BARD1: variants seen among roughly 807,000 people sequenced by gnomAD.
BARD1 encodes BRCA1-associated RING domain protein 1.
BARD1 carries 73 observed loss-of-function variants against 77.0 expected under a neutral mutation model. The ratio of observed to expected loss-of-function variants is 0.95; its 90% CI spans 0.79 to 1.15. The LOEUF is 1.15. Ranked by LOEUF, BARD1 falls within the 50% of genes most tolerant of loss-of-function variation. The probability of loss-of-function intolerance (pLI) is 0.00; values close to 1 mark genes in which losing one functional copy is unlikely to be tolerated. For missense variants in BARD1, 993 were observed against 938.8 expected (o/e 1.06, Z -0.75); for synonymous variants, 384 against 338.0 (o/e 1.14, Z -1.49).
rs191463648 is a variant in BARD1 at position 214,771,696 on chromosome 2, C to A, written c.1315-2384G>T. Among the ~76,000 whole-genome samples, 3 of 151,752 alleles carry A rather than the reference C, an allele frequency of 2.0e-5. No homozygotes were observed. In the East Asian group the frequency reaches 5.8e-4, roughly 29 times the overall value. ...TGAGTTGAGATCACACCACTGCACT[C>A]CAGCCTGGGCGACAGAGCGAGACTC... On this transcript the variant is annotated intron_variant, in intron 4 of 10. Transcript: ENST00000260947.
At chr2:214,776,339 T>C (rs1450186942) in intron 4 of BARD1, among the ~76,000 whole-genome samples, 2 of 152,180 alleles carry the variant, frequency 1.3e-5, no homozygotes, top group African/African-American at 2.4e-5. Context: ...TTGTTTTCTA[T>C]TGGGTTGGTG....
At chr2:214,750,850 T>TG (rs1693374140) in intron 7 of BARD1, among the ~76,000 whole-genome samples, 1 of 151,996 alleles carries the variant, frequency 6.6e-6, no homozygotes, top group Non-Finnish European at 1.5e-5. Flanking sequence ...AAACTGAGGA[T>TG]GGCAAGGTAA....
Position 214,809,664 on chromosome 2 carries a change from G to T in BARD1, c.-95C>A, listed in dbSNP as rs1441378379. The T allele has an allele frequency of 2.7e-6, 4 of 1,466,794 alleles. No homozygotes were observed. Among genetic ancestry groups the T allele is most frequent in the Admixed American group, 4.0e-5 (2 of 49,882 alleles). 90.9% of individuals were successfully genotyped at this position (1,466,794 alleles called of 1,614,324 possible). A position where few individuals can be genotyped will look rare whatever the true frequency, so the allele number is the denominator to read the frequency against. The stretch of plus-strand genomic sequence containing the variant: ...GCTGCAGGCCAGCGACTCGAAACCG[G>T]CCAAGCTCTTCCCGCGTCTGGGACG... On this transcript the variant is annotated 5_prime_UTR_variant, in exon 1 of 11. Coordinates refer to ENST00000260947, the MANE Select transcript of BARD1 (RefSeq NM_000465.4).
At chr2:214,772,922 C>T (rs1211686137) in intron 4 of BARD1, among the ~76,000 whole-genome samples, 1 of 152,188 alleles carries the variant, frequency 6.6e-6, no homozygotes, top group Non-Finnish European at 1.5e-5. Context: ...GGGCTCCTCA[C>T]AACTTGAAAG....
chr2:214,797,030 G>C (rs1284037213), intron 2 of BARD1, 31 bp downstream of exon 2: 1 of 1,515,262 alleles, frequency 6.6e-7, no homozygotes, highest in Admixed American at 1.7e-5. Context: ...AAATACAGTT[G>C]TACTATATAC....
chr2:214,746,807 T>C (rs1470288247), intron 7 of BARD1, among the ~76,000 whole-genome samples: 3 of 152,214 alleles, frequency 2.0e-5, no homozygotes, highest in Admixed American at 6.5e-5. Context: ...AAGGACTTCA[T>C]GTCTAAAACA....
intron 6 of BARD1, among the ~76,000 whole-genome samples, chr2:214,761,156 A>T (rs1001341182): frequency 3.9e-5 from 6 of 152,128 alleles, no homozygotes; most frequent in African/African-American, 1.4e-4. Context: ...ACTAATAACA[A>T]AACTAGAGAG....
Position 214,730,498 on chromosome 2 carries a change from T to G in BARD1, c.1914A>C (p.Ala638=), listed in dbSNP as rs876658489. 1.2e-6 allele frequency: 2 copies of G among 1,613,644 alleles called. No homozygotes were observed. The highest frequency in any genetic ancestry group is 2.7e-5 in the African/African-American group (2 of 75,030). The change falls in exon 10 of 11, where the codon GCA becomes GCC. Residue 638 remains alanine, a synonymous_variant. Coordinates refer to ENST00000260947, the MANE Select transcript of BARD1 (RefSeq NM_000465.4). The part of the protein sequence containing the change: ...CWILKFEWVK[A]CLRRKVCEQE... ...GTTCACATACTTTTCTTCGTAGACA[T>G]GCTTTTACCCCTGACAAAAACACAA...
Position 214,736,612 on chromosome 2 carries a change from A to T in BARD1, c.1904-6104T>A, listed in dbSNP as rs544706458. On this transcript the variant is annotated intron_variant, in intron 9 of 10. Coordinates refer to ENST00000260947, the MANE Select transcript of BARD1 (RefSeq NM_000465.4). ...TTATTTGACTGATTATTTACAAGAA[A>T]CACATTAAAATGGCATCTATTCCTC... 2.4e-4 allele frequency among the ~76,000 whole-genome samples: 36 copies of T among 152,260 alleles called. No individual in the cohort carries two copies. The South Asian group carries it at 7.0e-3, about 30-fold the overall frequency.
chr2:214,781,531 A>G, intron 3 of BARD1, 22 bp from the exon 4 acceptor site: 1 of 1,592,090 alleles, frequency 6.3e-7, no homozygotes, highest in South Asian at 1.1e-5. Context: ...AAAGAAAAAG[A>G]AATCTGTTAC....
chr2:214,752,443 T>G lies in BARD1; in HGVS notation c.1677+4A>C. The G allele has an allele frequency of 6.3e-7, 1 of 1,599,624 alleles. No individual in the cohort carries two copies. Among genetic ancestry groups the G allele is most frequent in the Non-Finnish European group, 8.6e-7 (1 of 1,166,900 alleles). On this transcript the variant is annotated splice_donor_region_variant and intron_variant, in intron 7 of 10. Transcript: ENST00000260947. ...AAATGTCCCAAAGCTAAATCCATAC[T>G]TACTACTGAGCAGTGGCTAGCTGAG... is the stretch of plus-strand genomic sequence containing the variant.
At position 214,792,458 on chromosome 2, in the gene BARD1, T is replaced by TA. The variant is rs56130510; in HGVS notation, c.216-14dup. ...ACTTACACAATTACTTTAAAATAAT[T>TA]AAAAAAAAAAAAAAAAGCAACCCAT... On this transcript the variant is annotated splice_polypyrimidine_tract_variant and intron_variant, in intron 2 of 10. Transcript: ENST00000260947. The TA allele has an allele frequency of 0.019, 26,003 of 1,377,314 alleles. 2 individuals carry two copies. Among genetic ancestry groups the TA allele is most frequent in the East Asian group, 0.027 (985 of 37,018 alleles). 85.3% of individuals were successfully genotyped at this position (1,377,314 alleles called of 1,614,324 possible).
intron 3 of BARD1, among the ~76,000 whole-genome samples, chr2:214,789,065 C>T (rs1351962921): frequency 6.6e-6 from 1 of 151,986 alleles, no homozygotes; most frequent in Non-Finnish European, 1.5e-5. Context: ...GAGATCTGGA[C>T]AGAAGGTTAT....
rs1692234771 is a variant in BARD1 at position 214,729,071 on chromosome 2, T to G, written c.2002-63A>C. 3.4e-6 allele frequency: 5 copies of G among 1,468,290 alleles called. No homozygotes were observed. In the South Asian group the frequency reaches 4.7e-5, roughly 14 times the overall value. 91.0% of individuals were successfully genotyped at this position (1,468,290 alleles called of 1,614,324 possible). ...AAATACTGTATTCAAAAACACTGTA[T>G]ATGAATGAGGAAAATAAAAATACAA... is the stretch of plus-strand genomic sequence containing the variant. On this transcript the variant is annotated intron_variant, in intron 10 of 10. Transcript: ENST00000260947.
intron 3 of BARD1, among the ~76,000 whole-genome samples, chr2:214,786,233 G>A (rs573815517): frequency 5.3e-5 from 8 of 150,940 alleles, no homozygotes; most frequent in South Asian, 4.1e-4. Flanking sequence ...TAATACTTAA[G>A]AGATACAACA....
In BARD1 at chr2:214,797,069, G is replaced by T. The variant is rs775359339; in HGVS notation, c.207C>A (p.Ile69=). 2.5e-6 allele frequency: 4 copies of T among 1,611,552 alleles called. No homozygotes were observed. In the South Asian group the frequency reaches 4.4e-5, roughly 18 times the overall value. ...EPVCLGGCEH[I]FCSNCVSDCI... is the part of the protein sequence containing the mutation. ...AAACCGTAATTACTTACCTACAGAA[G>T]ATGTGCTCACATCCTCCTAAACACA... is the stretch of plus-strand genomic sequence containing the variant. The change falls in exon 2 of 11, where the codon ATC becomes ATA. Residue 69 remains isoleucine (I), a synonymous_variant. Transcript: ENST00000260947.
rs1692115870 is a variant in BARD1, at chr2:214,727,108, G to A, written c.*1568C>T. On this transcript the variant is annotated 3_prime_UTR_variant, in exon 11 of 11. Transcript: ENST00000260947. ...CATTTTCTATCAGAATGAAATGTGG[G>A]ACAAATGCATTACTGGTTGTAGAGA... 1 of 216,230 alleles carries A rather than the reference G, an allele frequency of 4.6e-6. No individual in the cohort carries two copies. The highest frequency in any genetic ancestry group is 2.2e-5 in the African/African-American group (1 of 44,508). The allele number at this position is 216,230 out of a possible 1,614,324, so 13.4% of individuals were successfully genotyped here.
chr2:214,729,725 T>C (rs1692266178), intron 10 of BARD1, among the ~76,000 whole-genome samples: 1 of 152,198 alleles, frequency 6.6e-6, no homozygotes, highest in Non-Finnish European at 1.5e-5. Flanking sequence ...TTATTTGAAA[T>C]AGGCTTCAGA....
At chr2:214,735,480 T>C (rs1355815506) in intron 9 of BARD1, among the ~76,000 whole-genome samples, 1 of 152,160 alleles carries the variant, frequency 6.6e-6, no homozygotes, top group African/African-American at 2.4e-5. Flanking sequence ...AGAAAAATTT[T>C]AGCAAGTAAG....
Sources: allele counts gnomAD v4.1 joint callset (sites outside exome capture counted in the v4.1 genomes callset), GRCh38; gene constraint gnomAD v4.1.1; transcripts MANE v1.5; gene names NCBI Gene and HGNC (gene_info 2026-07-23, HGNC 2026-07-21).